The following EPN2 variants were observed in gnomAD, a reference collection of about 807,000 sequenced individuals.
EPN2 encodes the protein epsin 2.
In EPN2, 34 loss-of-function variants were observed where a neutral mutation model predicts 61.7. The ratio of observed to expected loss-of-function variants is 0.55; its 90% confidence interval spans 0.42 to 0.73. The LOEUF (loss-of-function observed/expected upper bound fraction) is 0.73, where lower values mean the gene tolerates loss of function less well. EPN2 is among the 30% of genes least tolerant of loss of function. The probability of loss-of-function intolerance (pLI) is 0.00; values close to 1 mark genes in which losing one functional copy is unlikely to be tolerated. For missense variants in EPN2, 714 were observed against 839.2 expected (o/e 0.85, Z 1.84); for synonymous variants, 349 against 353.6 (o/e 0.99, Z 0.15).
At chr17:19,309,139 ACTC>A (rs1467458118) in intron 4 of EPN2, among the ~76,000 whole-genome samples, 2 of 142,398 alleles carry the variant, frequency 1.4e-5, no homozygotes, top group Admixed American at 1.4e-4. Flanking sequence ...ACAAAGGTCA[ACTC>A]TTTTTTTTTT....
At chr17:19,328,061 T>A (rs1533033) in intron 7 of EPN2, among the ~76,000 whole-genome samples, 85,463 of 152,150 alleles carry the variant, frequency 0.56, 30,859 homozygotes, top group Non-Finnish European at 0.81. Context: ...TTTCTTTTTT[T>A]AAAAATTTTT....
At chr17:19,325,662 C>T (rs546213916) in intron 7 of EPN2, among the ~76,000 whole-genome samples, 3 of 152,142 alleles carry the variant, frequency 2.0e-5, no homozygotes, top group African/African-American at 7.2e-5. Flanking sequence ...CCTGTAACAT[C>T]AAGAGCAAGA....
intron 4 of EPN2, among the ~76,000 whole-genome samples, chr17:19,301,703 C>T (rs1905527970): frequency 6.6e-6 from 1 of 152,232 alleles, no homozygotes. Flanking sequence ...ACAGAAGTGC[C>T]CCTGCCCTTT....
intron 1 of EPN2, among the ~76,000 whole-genome samples, chr17:19,256,312 G>A (rs1334816538): frequency 2.0e-5 from 3 of 150,542 alleles, no homozygotes; most frequent in Admixed American, 1.3e-4. Context: ...AAAGCTGGGC[G>A]TGATGGCTTG....
intron 1 of EPN2, among the ~76,000 whole-genome samples, chr17:19,268,865 A>G (rs1243611569): frequency 1.3e-5 from 2 of 152,142 alleles, no homozygotes; most frequent in African/African-American, 4.8e-5. Context: ...AGAATGCCAC[A>G]GGCAGGCTGG....
chr17:19,255,378 G>C (rs146579347), intron 1 of EPN2, among the ~76,000 whole-genome samples: 7 of 151,756 alleles, frequency 4.6e-5, no homozygotes, highest in African/African-American at 1.7e-4. Context: ...TTCTAACCTG[G>C]CCTTCTGGCT....
At chr17:19,332,095 A>G in intron 10 of EPN2, 27 bp downstream of exon 10, 1 of 1,558,774 alleles carries the variant, frequency 6.4e-7, no homozygotes, top group Non-Finnish European at 8.8e-7. Flanking sequence ...GGCTTCATCC[A>G]TTGCCTGCTG....
In EPN2 at chr17:19,308,284, G is replaced by A. The variant is rs147660626; in HGVS notation, c.767-1601G>A. On this transcript the variant is annotated intron_variant, in intron 4 of 10. Transcript: ENST00000314728. ...AGACCGGGTTTTACCATTTTGGCCA[G>A]GCTTGTCTAGAACTCCTGGCCTCAG... is the stretch of plus-strand genomic sequence containing the variant. 45 of 798,652 alleles carry A rather than the reference G, an allele frequency of 5.6e-5. No homozygotes were observed. The African/African-American group carries it at 8.0e-4, about 14-fold the overall frequency. The allele number at this position is 798,652 out of a possible 1,614,324, so 49.5% of individuals were successfully genotyped here. A position where few individuals can be genotyped will look rare whatever the true frequency, so the allele number is the denominator to read the frequency against.
At chr17:19,248,305 G>A (rs1346384872) in intron 1 of EPN2, 1 of 152,198 alleles carries the variant, frequency 6.6e-6, no homozygotes, top group Admixed American at 6.5e-5. Context: ...GTTTAAACAA[G>A]GGATGGGCAG....
chr17:19,256,717 G>C (rs1321995158), intron 1 of EPN2, among the ~76,000 whole-genome samples: 1 of 152,102 alleles, frequency 6.6e-6, no homozygotes, highest in Non-Finnish European at 1.5e-5. Context: ...TCCTGGAGCT[G>C]AGTGACTTAA....
rs552822607 is a variant in EPN2 at position 19,251,591 on chromosome 17, T to C, written c.-294+14060T>C. 5.3e-5 allele frequency among the ~76,000 whole-genome samples: 8 copies of C among 152,156 alleles called. No individual in the cohort carries two copies. In the South Asian group the frequency reaches 1.7e-3, roughly 32 times the overall value. ...TGGGATTAGAGGTGCACGCCGCCAC[T>C]CCTGGCTAATTTTTGTATTTTTAGT... On this transcript the variant is annotated intron_variant, in intron 1 of 10. Coordinates refer to ENST00000314728, the MANE Select transcript of EPN2 (RefSeq NM_014964.5).
chr17:19,249,439 A>C (rs545546269), intron 1 of EPN2: 1 of 152,334 alleles, frequency 6.6e-6, no homozygotes, highest in South Asian at 2.1e-4. Context: ...CTATGTGATT[A>C]AACAGTCTCT....
Position 19,334,421 on chromosome 17 carries a change from C to T in EPN2, c.*167C>T, listed in dbSNP as rs1478072018. On this transcript the variant is annotated 3_prime_UTR_variant, in exon 11 of 11. Transcript: ENST00000314728. The surrounding 1 kb of genome is among the most constrained non-coding windows in gnomAD (Gnocchi z 4.9). The stretch of plus-strand genomic sequence containing the variant: ...TTTACAGCCCCAACCCTCAGACCCT[C>T]GCCTTCCAAGGCAGGCCCCTCAGCC... 6.0e-6 allele frequency: 3 copies of T among 503,588 alleles called. No homozygotes were observed. The highest frequency in any genetic ancestry group is 6.4e-6 in the Non-Finnish European group (2 of 311,678). The allele number at this position is 503,588 out of a possible 1,614,324, so 31.2% of individuals were successfully genotyped here. A position where few individuals can be genotyped will look rare whatever the true frequency, so the allele number is the denominator to read the frequency against.
intron 1 of EPN2, among the ~76,000 whole-genome samples, chr17:19,276,135 C>T (rs2045302805): frequency 6.6e-6 from 1 of 152,080 alleles, no homozygotes; most frequent in Non-Finnish European, 1.5e-5. Flanking sequence ...GGGTGGTGGC[C>T]AGGAGCTTCT....
Position 19,283,211 on chromosome 17 carries a change from A to G in EPN2, c.92A>G (p.Asp31Gly). The G allele has an allele frequency of 6.2e-7, 1 of 1,614,094 alleles. No homozygotes were observed. Among genetic ancestry groups the G allele is most frequent in the Non-Finnish European group, 8.5e-7 (1 of 1,180,026 alleles). ...AAAGTCCGGGAAGCCACCTCCAATG[A>G]CCCGTGGGGCCCGTCCAGTTCTCTG... ...EIKVREATSN[D>G]PWGPSSSLMT... The change falls in exon 3 of 11, where the codon GAC becomes GGC. Residue 31 changes from aspartate (D) to glycine (G), a missense_variant. Physicochemically the swap from Asp to Gly is moderately conservative, Grantham distance 94. Coordinates refer to ENST00000314728, the MANE Select transcript of EPN2 (RefSeq NM_014964.5). The surrounding 1 kb of genome is among the most constrained non-coding windows in gnomAD (Gnocchi z 7.0).
chr17:19,295,376 G>GCGCGCA (rs1235173958), intron 4 of EPN2, among the ~76,000 whole-genome samples: 2 of 151,350 alleles, frequency 1.3e-5, no homozygotes, highest in Non-Finnish European at 2.9e-5. Flanking sequence ...ACGCGCGTGC[G>GCGCGCA]CGCAAAATAG....
chr17:19,309,533 C>G (rs1328268091), intron 4 of EPN2, among the ~76,000 whole-genome samples: 2 of 152,276 alleles, frequency 1.3e-5, no homozygotes, highest in Non-Finnish European at 2.9e-5. Context: ...TGTTCAAGAG[C>G]TATACTTTGG....
rs547125069 is a variant in EPN2 at position 19,255,360 on chromosome 17, A to G, written c.-294+17829A>G. On this transcript the variant is annotated intron_variant, in intron 1 of 10. Coordinates refer to ENST00000314728, the MANE Select transcript of EPN2 (RefSeq NM_014964.5). ...ATTTCCTAGCTGTAATGTGACCTGC[A>G]CTTTGGGTTCTAACCTGGCCTTCTG... Among the ~76,000 whole-genome samples, 6 of 151,994 alleles carry G rather than the reference A, an allele frequency of 3.9e-5. No homozygotes were observed. The East Asian group carries it at 1.2e-3, about 29-fold the overall frequency.
intron 4 of EPN2, among the ~76,000 whole-genome samples, chr17:19,300,960 G>A (rs1905475787): frequency 6.6e-6 from 1 of 152,214 alleles, no homozygotes; most frequent in African/African-American, 2.4e-5. Flanking sequence ...GGGAGGCGCA[G>A]TGAGAAGGTG....
Sources: allele counts gnomAD v4.1 joint callset (sites outside exome capture counted in the v4.1 genomes callset), GRCh38; gene constraint gnomAD v4.1.1; non-coding constraint Gnocchi (gnomAD v3.1); transcripts MANE v1.5; gene names NCBI Gene and HGNC (gene_info 2026-07-23, HGNC 2026-07-21).